Variants in NKAIN3 observed in about 807,000 individuals in gnomAD.
The protein encoded by NKAIN3 is sodium/potassium transporting ATPase interacting 3, also known as sodium/potassium-transporting ATPase subunit beta-1-interacting protein 3.
A neutral mutation model predicts 30.2 loss-of-function variants in NKAIN3; 25 were observed. That is an observed-to-expected ratio of 0.83 (90% CI 0.60 to 1.16). The LOEUF (loss-of-function observed/expected upper bound fraction) is 1.16. NKAIN3 is among the 50% of genes most tolerant of loss of function. The pLI is 0.00. For synonymous variants in NKAIN3, 91 were observed against 89.6 expected, an observed-to-expected ratio of 1.02 and a Z score of -0.09; for missense variants, 225 against 254.1, an observed-to-expected ratio of 0.89 and a Z score of 0.78.
At chr8:62,691,912 ACT>A (rs1168808899) in intron 3 of NKAIN3, among the ~76,000 whole-genome samples, 3 of 151,990 alleles carry the variant, frequency 2.0e-5, no homozygotes, top group Non-Finnish European at 4.4e-5. Flanking sequence ...GGTCTTCTGG[ACT>A]CTCTTTAAAT....
At chr8:62,949,592 G>A (rs982529456) in intron 5 of NKAIN3, among the ~76,000 whole-genome samples, 6 of 152,178 alleles carry the variant, frequency 3.9e-5, no homozygotes, top group Admixed American at 3.9e-4. Flanking sequence ...CTGCAAAAGG[G>A]TTTCCTGGCT....
At chr8:62,377,371 TA>T (rs556774185) in intron 1 of NKAIN3, among the ~76,000 whole-genome samples, 240 of 152,304 alleles carry the variant, frequency 1.6e-3, no homozygotes, top group Non-Finnish European at 2.0e-3. Flanking sequence ...CTTAAATAAT[TA>T]AAGTCTTATT....
chr8:62,563,042 C>T (rs1028524703), intron 1 of NKAIN3, among the ~76,000 whole-genome samples: 1 of 152,060 alleles, frequency 6.6e-6, no homozygotes, highest in African/African-American at 2.4e-5. Context: ...TGTGGGTCAC[C>T]TATCCTAGGG....
intron 1 of NKAIN3, among the ~76,000 whole-genome samples, chr8:62,423,877 A>G (rs1362648497): frequency 1.3e-5 from 2 of 152,050 alleles, no homozygotes; most frequent in Non-Finnish European, 2.9e-5. Flanking sequence ...TTTATCTTGT[A>G]AAGACATGCA....
chr8:62,899,380 C>A (rs1246998156), intron 4 of NKAIN3, among the ~76,000 whole-genome samples: 1 of 152,102 alleles, frequency 6.6e-6, no homozygotes, highest in Non-Finnish European at 1.5e-5. Context: ...TACATATACA[C>A]AATGGAGTAC....
intron 3 of NKAIN3, among the ~76,000 whole-genome samples, chr8:62,598,023 G>C (rs564033329): frequency 1.6e-4 from 24 of 152,138 alleles, no homozygotes; most frequent in Non-Finnish European, 2.5e-4. Context: ...AACTCCTTAT[G>C]AACTAGTCAT....
intron 1 of NKAIN3, among the ~76,000 whole-genome samples, chr8:62,576,211 C>T (rs1192217515): frequency 6.6e-6 from 1 of 152,034 alleles, no homozygotes; most frequent in African/African-American, 2.4e-5. Context: ...TTGCAAACTA[C>T]CCATCTGACA....
chr8:62,449,286 G>T (rs930128491), intron 1 of NKAIN3, among the ~76,000 whole-genome samples: 1 of 151,948 alleles, frequency 6.6e-6, no homozygotes, highest in African/African-American at 2.4e-5. Flanking sequence ...CGGTTTAGTG[G>T]CTAAGCTTAC....
intron 3 of NKAIN3, among the ~76,000 whole-genome samples, chr8:62,704,289 C>A (rs1168449922): frequency 6.6e-6 from 1 of 152,056 alleles, no homozygotes; most frequent in East Asian, 1.9e-4. Flanking sequence ...CCTAAAAGAT[C>A]ATTTTTTTCT....
intron 3 of NKAIN3, among the ~76,000 whole-genome samples, chr8:62,746,174 T>G (rs562960695): frequency 1.3e-5 from 2 of 152,360 alleles, no homozygotes; most frequent in South Asian, 4.1e-4. Flanking sequence ...TTCCCACTTT[T>G]GGTGGCTGGC....
At chr8:62,270,852 T>C (rs187764239) in intron 1 of NKAIN3, among the ~76,000 whole-genome samples, 87 of 152,308 alleles carry the variant, frequency 5.7e-4, no homozygotes, top group African/African-American at 2.0e-3. Flanking sequence ...CTTAGCATAA[T>C]GCCTTCCAGT....
chr8:62,436,658 T>C (rs1418917543), intron 1 of NKAIN3, among the ~76,000 whole-genome samples: 1 of 152,164 alleles, frequency 6.6e-6, no homozygotes, highest in Non-Finnish European at 1.5e-5. Flanking sequence ...AAAGCCTAGT[T>C]TTGCTCACTT....
intron 4 of NKAIN3, among the ~76,000 whole-genome samples, chr8:62,872,101 T>C (rs1255102268): frequency 6.6e-6 from 1 of 152,322 alleles, no homozygotes; most frequent in Non-Finnish European, 1.5e-5. Flanking sequence ...TTCAGTACAG[T>C]AACTTGCTGC....
Position 62,648,196 on chromosome 8 carries a change from C to G in NKAIN3, c.273+58402C>G, listed in dbSNP as rs1054810980. ...TTGTGAGCCGTCCAAGTACTATGTC[C>G]TGTAAGACATGGATCCGTGTAGATC... On this transcript the variant is annotated intron_variant, in intron 3 of 6. Coordinates refer to ENST00000623646, the MANE Select transcript of NKAIN3 (RefSeq NM_001304533.3). Among the ~76,000 whole-genome samples, 4 of 152,202 alleles carry G rather than the reference C, an allele frequency of 2.6e-5. No individual in the cohort carries two copies. The East Asian group carries it at 7.8e-4, about 29-fold the overall frequency.
chr8:62,715,429 A>G (rs1267974042), intron 3 of NKAIN3, among the ~76,000 whole-genome samples: 1 of 152,102 alleles, frequency 6.6e-6, no homozygotes, highest in African/African-American at 2.4e-5. Context: ...AAACTTATTG[A>G]CCCTAAATAT....
At chr8:62,936,431 A>G (rs1238069925) in intron 5 of NKAIN3, among the ~76,000 whole-genome samples, 1 of 152,126 alleles carries the variant, frequency 6.6e-6, no homozygotes, top group Non-Finnish European at 1.5e-5. Context: ...CTTCCTGAGC[A>G]TCAGAACTGC....
intron 3 of NKAIN3, among the ~76,000 whole-genome samples, chr8:62,701,102 T>C (rs150994558): frequency 1.3e-3 from 205 of 152,334 alleles, no homozygotes; most frequent in African/African-American, 4.7e-3. Context: ...CTTTTATTAA[T>C]CCCTGTTTGT....
At chr8:62,698,601 G>A (rs1003531276) in intron 3 of NKAIN3, among the ~76,000 whole-genome samples, 1 of 152,062 alleles carries the variant, frequency 6.6e-6, no homozygotes, top group Admixed American at 6.5e-5. Flanking sequence ...TCAGAATTAC[G>A]CTACATATAC....
At chr8:62,847,566 A>G (rs927099431) in intron 4 of NKAIN3, among the ~76,000 whole-genome samples, 1 of 152,062 alleles carries the variant, frequency 6.6e-6, no homozygotes, top group African/African-American at 2.4e-5. Flanking sequence ...AGTTCTTTAT[A>G]GATGCTGGAT....
Sources: allele counts gnomAD v4.1 joint callset (sites outside exome capture counted in the v4.1 genomes callset), GRCh38; gene constraint gnomAD v4.1.1; transcripts MANE v1.5; gene names NCBI Gene and HGNC (gene_info 2026-07-23, HGNC 2026-07-21).